Variants in RTL1 observed in about 807,000 individuals in gnomAD.
RTL1 encodes the protein retrotransposon Gag like 1.
For missense variants in RTL1, 1,681 were observed against 1,767.5 expected (o/e 0.95, Z 0.88); for synonymous variants, 727 against 748.4 (o/e 0.97, Z 0.47).
chr14:100,895,620 A>G (rs1464351539), intron 2 of RTL1, among the ~76,000 whole-genome samples: 1 of 152,036 alleles, frequency 6.6e-6, no homozygotes, highest in Non-Finnish European at 1.5e-5. Context: ...GAGGTTGCAG[A>G]GGGCATTTTC....
At position 100,881,056 on chromosome 14, in the gene RTL1, G is replaced by T; in HGVS notation, c.3733C>A (p.Gln1245Lys). 1 of 1,603,090 alleles carries T rather than the reference G, an allele frequency of 6.2e-7. No homozygotes were observed. Among genetic ancestry groups the T allele is most frequent in the Non-Finnish European group, 8.5e-7 (1 of 1,174,946 alleles). The change falls in exon 4 of 4, where the codon CAG (glutamine) becomes AAG (lysine). Residue 1245 changes from glutamine to lysine, a missense_variant. Gln to Lys is a moderately conservative substitution (Grantham distance 53). Coordinates refer to ENST00000649591, the MANE Select transcript of RTL1 (RefSeq NM_001134888.3). The surrounding 1 kb of genome is among the most constrained non-coding windows in gnomAD (Gnocchi z 6.6). ...ALQDDLQRYR[Q>K]CGLHDGLQDT... is the part of the protein sequence containing the mutation. ...TGCAGGCCGTCATGCAGGCCACACT[G>T]ACGGTAACGTTGCAGGTCGTCTTGC...
At position 100,884,659 on chromosome 14, in the gene RTL1, C is replaced by G. The variant is rs1165590524; in HGVS notation, c.130G>C (p.Glu44Gln). 1 of 1,613,722 alleles carries G rather than the reference C, an allele frequency of 6.2e-7. No individual in the cohort carries two copies. The highest frequency in any genetic ancestry group is 8.5e-7 in the Non-Finnish European group (1 of 1,179,970). The part of the protein sequence containing the change: ...EATSGSGVRG[E>Q]AGPASGPAQE... The stretch of plus-strand genomic sequence containing the variant: ...GCTGGGCCGCTGGCTGGCCCTGCCT[C>G]TCCCCGCACTCCACTGCCCGACGTC... Residue 44 changes from glutamate to glutamine, a missense_variant, in exon 4 of 4, where the codon GAG becomes CAG. Glu to Gln is a conservative substitution (Grantham distance 29). Transcript: ENST00000649591.
intron 3 of RTL1, among the ~76,000 whole-genome samples, chr14:100,885,280 G>GGTCA (rs771715728): frequency 8.9e-4 from 136 of 152,312 alleles, no homozygotes; most frequent in Non-Finnish European, 1.3e-3. Flanking sequence ...GAATCACAGA[G>GGTCA]GTCACATCTC....
rs746890442 is a variant in RTL1, at chr14:100,881,526, T to C, written c.3263A>G (p.Asn1088Ser). 6.4e-7 allele frequency: 1 copy of C among 1,551,528 alleles called. No individual in the cohort carries two copies. The highest frequency in any genetic ancestry group is 1.4e-5 in the African/African-American group (1 of 73,036). ...GAGGATGGCTGCCAGGGCTAGGGTG[T>C]TCTTCCAGTACAGGAGGCCTCGGAA... ...HFFRGLLYWKNTLALAAILVL... is the reference protein window; with the variant it reads ...HFFRGLLYWKSTLALAAILVL... The change falls in exon 4 of 4, where the codon AAC becomes AGC. Residue 1088 changes from asparagine (N) to serine (S), a missense_variant. Coordinates refer to ENST00000649591, the MANE Select transcript of RTL1 (RefSeq NM_001134888.3). This position sits in a 1 kb window ranked among gnomAD's most constrained non-coding sequence, Gnocchi z 6.6.
chr14:100,896,221 C>T (rs996036463), intron 2 of RTL1, among the ~76,000 whole-genome samples: 4 of 152,160 alleles, frequency 2.6e-5, no homozygotes, highest in African/African-American at 7.2e-5. Flanking sequence ...GCATGCAGGC[C>T]GAGGGCTGCT....
In RTL1 at chr14:100,880,693, TGG is replaced by T; in HGVS notation, c.*17_*18del. The T allele has an allele frequency of 6.5e-7, 1 of 1,545,586 alleles. No homozygotes were observed. The highest frequency in any genetic ancestry group is 8.7e-7 in the Non-Finnish European group (1 of 1,143,446). On this transcript the variant is annotated 3_prime_UTR_variant, in exon 4 of 4. Coordinates refer to ENST00000649591, the MANE Select transcript of RTL1 (RefSeq NM_001134888.3). ...GTGAGAAATAGAGGGGACTCTTTGC[TGG>T]AGACAGGGAGGCGTCTTCAGTCGAG... is the stretch of plus-strand genomic sequence containing the variant.
chr14:100,883,091 A>G lies in RTL1; in HGVS notation c.1698T>C (p.Phe566=). 2 of 1,613,896 alleles carry G rather than the reference A, an allele frequency of 1.2e-6. No individual in the cohort carries two copies. Among genetic ancestry groups the G allele is most frequent in the Non-Finnish European group, 1.7e-6 (2 of 1,179,940 alleles). ...TCTCATCATCTGCTTCCTTCGGGTT[A>G]AACACGTCGGCCAGGTCTGAGTATG... is the stretch of plus-strand genomic sequence containing the variant. ...PHPYSDLADV[F]NPKEADDETS... Residue 566 remains phenylalanine (F), a synonymous_variant, in exon 4 of 4, where the codon TTT becomes TTC. Transcript: ENST00000649591. The surrounding 1 kb of genome is among the most constrained non-coding windows in gnomAD (Gnocchi z 5.9).
rs1238666949 is a variant in RTL1, at chr14:100,881,668, G to A, written c.3121C>T (p.Leu1041Phe). The A allele has an allele frequency of 3.2e-6, 5 of 1,553,412 alleles. No individual in the cohort carries two copies. In the African/African-American group the frequency reaches 6.8e-5, roughly 21 times the overall value. Reference protein sequence around the residue: ...GEEENEEQDELNEQILRQELL... With the variant: ...GEEENEEQDEFNEQILRQELL... ...TCTTGCCGTAGGATCTGTTCATTGAGCTCATCCTGTTCTTCATTCTCTTCT... is the reference window on the plus strand; with the variant it reads ...TCTTGCCGTAGGATCTGTTCATTGAACTCATCCTGTTCTTCATTCTCTTCT... Residue 1041 changes from leucine to phenylalanine, a missense_variant, in exon 4 of 4, where the codon CTC (leucine) becomes TTC (phenylalanine). By Grantham distance (22) the Leu-to-Phe change is conservative. Transcript: ENST00000649591. This position sits in a 1 kb window ranked among gnomAD's most constrained non-coding sequence, Gnocchi z 6.6.
At chr14:100,901,836 C>T (rs2038946396) in intron 2 of RTL1, among the ~76,000 whole-genome samples, 2 of 152,166 alleles carry the variant, frequency 1.3e-5, no homozygotes, top group African/African-American at 2.4e-5. Context: ...TCCCTCATTG[C>T]CTTATTGGGA....
chr14:100,885,446 G>A (rs919962677), intron 3 of RTL1, among the ~76,000 whole-genome samples: 1 of 152,008 alleles, frequency 6.6e-6, no homozygotes, highest in African/African-American at 2.4e-5. Flanking sequence ...CCGTCAGTTG[G>A]GTCAGCAGCC....
rs1450968885 is a variant in RTL1, at chr14:100,882,296, C to A, written c.2493G>T (p.Glu831Asp). The change falls in exon 4 of 4, where the codon GAG (glutamate) becomes GAT (aspartate). Residue 831 changes from glutamate to aspartate, a missense_variant. By Grantham distance (45) the Glu-to-Asp change is conservative. Transcript: ENST00000649591. The part of the protein sequence containing the change: ...HFVERFSIIA[E>D]PLVRQLLSSY... The stretch of plus-strand genomic sequence containing the variant: ...AGCTCAGCAGCTGCCGCACCAGGGG[C>A]TCTGCGATGATGCTGAAGCGCTCCA... 1 of 1,551,550 alleles carries A rather than the reference C, an allele frequency of 6.4e-7. No individual in the cohort carries two copies. The highest frequency in any genetic ancestry group is 8.7e-7 in the Non-Finnish European group (1 of 1,147,026).
chr14:100,881,900 G>A lies in RTL1; in HGVS notation c.2889C>T (p.Thr963=), dbSNP rs747305010. The A allele has an allele frequency of 1.3e-5, 21 of 1,613,496 alleles. No individual in the cohort carries two copies. In the Admixed American group the frequency reaches 2.8e-4, roughly 22 times the overall value. The change falls in exon 4 of 4, where the codon ACC becomes ACT. Residue 963 remains threonine (T), a synonymous_variant. Transcript: ENST00000649591. This position sits in a 1 kb window ranked among gnomAD's most constrained non-coding sequence, Gnocchi z 6.6. ...DLASLNNDRL[T]VLLPGHWVFF... Reference sequence around the variant, plus strand: ...AGACCCAATGCCCGGGGAGAAGTACGGTGAGCCTGTCATTATTCAGAGAGG... The same window carrying A: ...AGACCCAATGCCCGGGGAGAAGTACAGTGAGCCTGTCATTATTCAGAGAGG...
intron 3 of RTL1, among the ~76,000 whole-genome samples, chr14:100,889,485 C>A (rs1364477938): frequency 6.6e-6 from 1 of 152,202 alleles, no homozygotes; most frequent in Non-Finnish European, 1.5e-5. Flanking sequence ...CTGTTCCTCA[C>A]GCTTCTCTCT....
At position 100,882,866 on chromosome 14, in the gene RTL1, G is replaced by A. The variant is rs1454499154; in HGVS notation, c.1923C>T (p.Thr641=). 12 of 1,566,200 alleles carry A rather than the reference G, an allele frequency of 7.7e-6. No individual in the cohort carries two copies. The highest frequency in any genetic ancestry group is 8.7e-6 in the Non-Finnish European group (10 of 1,153,100). The change falls in exon 4 of 4, where the codon ACC becomes ACT. Residue 641 remains threonine (T), a synonymous_variant. Transcript: ENST00000649591. ...TCATCTGTATGTAGTCCTGTCTGTT[G>A]GTCAGCATGTCCTGCAGGTCCCAGT... ...EEYWDLQDML[T]NRQDYIQMIP...
At chr14:100,885,543 T>C (rs1324900146) in intron 3 of RTL1, among the ~76,000 whole-genome samples, 31 of 148,872 alleles carry the variant, frequency 2.1e-4, no homozygotes, top group Admixed American at 2.1e-3. Flanking sequence ...TTTTTTTCCA[T>C]AAATTTTATA....
chr14:100,897,876 G>A (rs1047901590), intron 2 of RTL1: 1 of 474,072 alleles, frequency 2.1e-6, no homozygotes, highest in Non-Finnish European at 4.3e-6. Context: ...TATTATAAAT[G>A]AATATATGAG....
chr14:100,893,097 T>C lies in RTL1; in HGVS notation c.-87+347A>G, dbSNP rs1365600953. ...CATCTTCATTCCATGGTGTTGATAC[T>C]GCCAGCCTCGTGGCCTGAGGGGCAT... On this transcript the variant is annotated intron_variant, in intron 3 of 3. Transcript: ENST00000649591. This position sits in a 1 kb window ranked among gnomAD's most constrained non-coding sequence, Gnocchi z 4.2. Among the ~76,000 whole-genome samples the C allele has an allele frequency of 1.3e-5, 2 of 152,156 alleles. No individual in the cohort carries two copies. Among genetic ancestry groups the C allele is most frequent in the African/African-American group, 2.4e-5 (1 of 41,420 alleles).
chr14:100,890,658 G>A (rs1357780329), intron 3 of RTL1, among the ~76,000 whole-genome samples: 1 of 152,120 alleles, frequency 6.6e-6, no homozygotes, highest in African/African-American at 2.4e-5. Flanking sequence ...TGGGGCCCCT[G>A]GCTCTCTGGG....
At chr14:100,901,109 CA>C (rs1170524340) in intron 2 of RTL1, among the ~76,000 whole-genome samples, 5 of 152,186 alleles carry the variant, frequency 3.3e-5, no homozygotes, top group African/African-American at 9.7e-5. Flanking sequence ...CCAGGGCTGA[CA>C]GATTGGGTTG....
Sources: allele counts gnomAD v4.1 joint callset (sites outside exome capture counted in the v4.1 genomes callset), GRCh38; gene constraint gnomAD v4.1.1; non-coding constraint Gnocchi (gnomAD v3.1); transcripts MANE v1.5; gene names NCBI Gene and HGNC (gene_info 2026-07-23, HGNC 2026-07-21).